OR51B5: variants seen among roughly 807,000 people sequenced by gnomAD.
The protein encoded by OR51B5 is olfactory receptor family 51 subfamily B member 5.
For synonymous variants in OR51B5, 186 were observed against 144.8 expected (o/e 1.28, Z -2.04); for missense variants, 456 against 374.6 (o/e 1.22, Z -1.79).
chr11:5,382,661 T>C (rs1294575309), intron 1 of OR51B5, among the ~76,000 whole-genome samples: 3 of 152,196 alleles, frequency 2.0e-5, no homozygotes, highest in African/African-American at 7.2e-5. Flanking sequence ...GCTCAGCTCC[T>C]TCCTATTGTA....
intron 1 of OR51B5, among the ~76,000 whole-genome samples, chr11:5,450,611 G>A (rs1490254251): frequency 6.6e-6 from 1 of 152,152 alleles, no homozygotes; most frequent in Non-Finnish European, 1.5e-5. Context: ...CAGCCTTGGA[G>A]ACAGGTACTT....
chr11:5,501,712 A>G (rs1353346774), intron 1 of OR51B5, among the ~76,000 whole-genome samples: 1 of 148,256 alleles, frequency 6.7e-6, no homozygotes, highest in Admixed American at 7.0e-5. Context: ...CTATATTTTG[A>G]TTATATGCAC....
intron 1 of OR51B5, chr11:5,403,485 A>T: frequency 2.1e-6 from 1 of 471,766 alleles, no homozygotes; most frequent in Non-Finnish European, 4.4e-6. Flanking sequence ...CTACAGCATT[A>T]AGACCAAGGA....
chr11:5,485,739 C>T (rs893102317), intron 1 of OR51B5, among the ~76,000 whole-genome samples: 2 of 152,142 alleles, frequency 1.3e-5, no homozygotes, highest in African/African-American at 2.4e-5. Flanking sequence ...GCATGGCTAG[C>T]TCTTTTGACT....
chr11:5,364,275 C>G (rs114267589), intron 1 of OR51B5, among the ~76,000 whole-genome samples: 1 of 152,192 alleles, frequency 6.6e-6, no homozygotes, highest in Non-Finnish European at 1.5e-5. Flanking sequence ...GATCTGTGCA[C>G]TTTCCCTCGA....
At chr11:5,390,022 T>C in intron 1 of OR51B5, 1 of 1,613,516 alleles carries the variant, frequency 6.2e-7, no homozygotes, top group African/African-American at 1.3e-5. Flanking sequence ...CCTTCAATAA[T>C]CTGTATGGAC....
chr11:5,437,048 A>G (rs563903152), intron 1 of OR51B5, among the ~76,000 whole-genome samples: 16 of 150,914 alleles, frequency 1.1e-4, no homozygotes, highest in Non-Finnish European at 2.4e-4. Flanking sequence ...TATTGGGGAA[A>G]GGAGGAGGGT....
At chr11:5,475,612 T>G (rs972008383) in intron 1 of OR51B5, among the ~76,000 whole-genome samples, 2 of 152,212 alleles carry the variant, frequency 1.3e-5, no homozygotes, top group East Asian at 1.9e-4. Context: ...GTCTAACATC[T>G]TGCAGAGTTA....
intron 1 of OR51B5, chr11:5,488,943 C>A (rs1761830079): frequency 6.2e-7 from 1 of 1,614,050 alleles, no homozygotes; most frequent in Non-Finnish European, 8.5e-7. Context: ...TCAGTTCTAC[C>A]ACTGTGCCCA....
intron 1 of OR51B5, among the ~76,000 whole-genome samples, chr11:5,353,776 C>A (rs1052483078): frequency 6.6e-6 from 1 of 152,228 alleles, no homozygotes; most frequent in Admixed American, 6.5e-5. Context: ...GTCATACTGA[C>A]ACTCAGTGAT....
intron 1 of OR51B5, among the ~76,000 whole-genome samples, chr11:5,438,822 A>G (rs916675137): frequency 3.9e-5 from 6 of 152,216 alleles, no homozygotes; most frequent in Non-Finnish European, 8.8e-5. Context: ...TATCCTGTGG[A>G]GTGGAAGTTA....
At chr11:5,422,219 A>G (rs958974743) in intron 1 of OR51B5, 1 of 1,611,538 alleles carries the variant, frequency 6.2e-7, no homozygotes, top group Non-Finnish European at 8.5e-7. Flanking sequence ...GGTGACTAAC[A>G]CCACACAAGA....
chr11:5,421,459 A>T (rs553500084), intron 1 of OR51B5, among the ~76,000 whole-genome samples: 58 of 152,372 alleles, frequency 3.8e-4, no homozygotes, highest in African/African-American at 1.3e-3. Flanking sequence ...AGCAGTGCCT[A>T]AATGTAGATA....
chr11:5,377,571 C>G (rs1274070556), intron 1 of OR51B5, among the ~76,000 whole-genome samples: 1 of 152,122 alleles, frequency 6.6e-6, no homozygotes, highest in Non-Finnish European at 1.5e-5. Context: ...CCCCTTGTCT[C>G]AGCCCAAAAT....
intron 1 of OR51B5, among the ~76,000 whole-genome samples, chr11:5,428,245 C>G (rs1850478826): frequency 6.6e-6 from 1 of 151,584 alleles, no homozygotes; most frequent in African/African-American, 2.4e-5. Context: ...GGTACAGTTC[C>G]AGACTGCCAC....
intron 1 of OR51B5, among the ~76,000 whole-genome samples, chr11:5,402,303 C>T (rs1849983215): frequency 6.6e-6 from 1 of 152,220 alleles, no homozygotes; most frequent in Admixed American, 6.5e-5. Flanking sequence ...GCATGAGCCA[C>T]TGCACCTGAT....
At chr11:5,376,344 C>T (rs1047438308) in intron 1 of OR51B5, among the ~76,000 whole-genome samples, 24 of 152,084 alleles carry the variant, frequency 1.6e-4, no homozygotes, top group Non-Finnish European at 3.4e-4. Flanking sequence ...GCACTAAACG[C>T]CCACAAGAGA....
At chr11:5,502,628 C>G (rs1019119937) in intron 1 of OR51B5, among the ~76,000 whole-genome samples, 3 of 152,188 alleles carry the variant, frequency 2.0e-5, no homozygotes, top group Non-Finnish European at 4.4e-5. Flanking sequence ...TCTAGAAAGA[C>G]CGGTTCAAAT....
At chr11:5,381,172 T>TCACA (rs763711428) in intron 1 of OR51B5, among the ~76,000 whole-genome samples, 1,208 of 102,008 alleles carry the variant, frequency 0.012, 14 homozygotes, top group Middle Eastern at 0.11. Flanking sequence ...TCTCTCTCTC[T>TCACA]CTCACACACA....
Sources: gnomAD v4.1 joint callset for allele counts (sites outside exome capture counted in the v4.1 genomes callset) on GRCh38, gnomAD v4.1.1 for gene constraint, MANE v1.5 for transcripts, NCBI Gene and HGNC (gene_info 2026-07-23, HGNC 2026-07-21) for gene names.